EXTL3: variants seen among roughly 807,000 people sequenced by gnomAD.
The protein encoded by EXTL3 is exostosin like glycosyltransferase 3.
A neutral mutation model predicts 69.3 loss-of-function variants in EXTL3; 27 were observed. The ratio of observed to expected loss-of-function variants is 0.39; its 90% CI spans 0.29 to 0.54. The LOEUF is 0.54. Among genes scored for constraint, EXTL3 ranks in the 20% least tolerant of loss-of-function variants. EXTL3 has a pLI of 0.69. For synonymous variants in EXTL3, 511 were observed against 499.4 expected, an observed-to-expected ratio of 1.02 and a Z score of -0.31; for missense variants, 1,003 against 1,231.8, an observed-to-expected ratio of 0.81 and a Z score of 2.78.
intron 3 of EXTL3, among the ~76,000 whole-genome samples, chr8:28,728,095 TA>T (rs1801451454): frequency 1.3e-5 from 2 of 152,298 alleles, no homozygotes; most frequent in Non-Finnish European, 2.9e-5. Flanking sequence ...CTAGGTGTGT[TA>T]GGTAAAGTGA....
In EXTL3 at chr8:28,717,964, C is replaced by T. The variant is rs752466548; in HGVS notation, c.1905C>T (p.Gly635=). The change falls in exon 3 of 7, where the codon GGC becomes GGT. Residue 635 remains glycine (G), a synonymous_variant. Coordinates refer to ENST00000220562, the MANE Select transcript of EXTL3 (RefSeq NM_001440.4). This position sits in a 1 kb window ranked among gnomAD's most constrained non-coding sequence, Gnocchi z 8.3. ...SEAKFLGSGT[G]FRPIGGGAGG... is the part of the protein sequence containing the mutation. ...CCAAATTCTTGGGCTCAGGGACTGG[C>T]TTTCGGCCTATTGGTGGTGGAGCTG... 1.9e-5 allele frequency: 30 copies of T among 1,614,206 alleles called. No homozygotes were observed. The South Asian group carries it at 3.0e-4, about 16-fold the overall frequency.
chr8:28,634,531 T>C (rs2130569110), intron 1 of EXTL3, among the ~76,000 whole-genome samples: 1 of 151,366 alleles, frequency 6.6e-6, no homozygotes, highest in Middle Eastern at 3.4e-3. Context: ...TGCCACCTCC[T>C]CTTCCGGGAG....
chr8:28,717,392 T>G lies in EXTL3; in HGVS notation c.1333T>G (p.Ser445Ala). 6 of 1,614,162 alleles carry G rather than the reference T, an allele frequency of 3.7e-6. No individual in the cohort carries two copies. Among genetic ancestry groups the G allele is most frequent in the Non-Finnish European group, 1.7e-6 (2 of 1,180,032 alleles). ...TPGDPRLVISSGCATRLFEAL... is the reference protein window; with the variant it reads ...TPGDPRLVISAGCATRLFEAL... ...CGGGGACCCTCGCTTGGTTATTTCC[T>G]CTGGGTGTGCAACACGGCTCTTCGA... The change falls in exon 3 of 7, where the codon TCT becomes GCT. Residue 445 changes from serine (S) to alanine (A), a missense_variant. Ser to Ala is a moderately conservative substitution (Grantham distance 99). This residue lies in a region of EXTL3 where 742 missense variants were observed against 815.4 expected (regional missense o/e 0.91). Coordinates refer to ENST00000220562, the MANE Select transcript of EXTL3 (RefSeq NM_001440.4). This position sits in a 1 kb window ranked among gnomAD's most constrained non-coding sequence, Gnocchi z 8.3.
At chr8:28,712,125 T>G (rs1181539931) in intron 1 of EXTL3, among the ~76,000 whole-genome samples, 1 of 152,082 alleles carries the variant, frequency 6.6e-6, no homozygotes, top group Non-Finnish European at 1.5e-5. Flanking sequence ...CTTTAAATGG[T>G]AATGCCAGGA....
Position 28,743,276 on chromosome 8 carries a change from T to C in EXTL3, c.2550+62T>C, listed in dbSNP as rs1367649515. On this transcript the variant is annotated intron_variant, in intron 6 of 6. Transcript: ENST00000220562. ...CATGTTTACTTCACTTGTTTTGCAG[T>C]AGTGCAGCACGTAACTGCACTGTAC... is the stretch of plus-strand genomic sequence containing the variant. 5.7e-6 allele frequency: 9 copies of C among 1,592,274 alleles called. No individual in the cohort carries two copies. In the East Asian group the frequency reaches 6.7e-5, roughly 12 times the overall value.
intron 6 of EXTL3, 65 bp downstream of exon 6, chr8:28,743,279 T>C (rs1801817326): frequency 1.9e-6 from 3 of 1,579,074 alleles, no homozygotes; most frequent in African/African-American, 2.7e-5. Flanking sequence ...TTTGCAGTAG[T>C]GCAGCACGTA....
intron 1 of EXTL3, among the ~76,000 whole-genome samples, chr8:28,689,983 T>A (rs1452764148): frequency 6.6e-6 from 1 of 152,180 alleles, no homozygotes; most frequent in Admixed American, 6.5e-5. Flanking sequence ...ATCCGATCTC[T>A]CTTCCAACTC....
chr8:28,676,216 C>A (rs1807380235), intron 1 of EXTL3, among the ~76,000 whole-genome samples: 1 of 152,086 alleles, frequency 6.6e-6, no homozygotes. Flanking sequence ...GAGGCCTACT[C>A]ACCCACCCTG....
intron 1 of EXTL3, among the ~76,000 whole-genome samples, chr8:28,659,561 G>A (rs140745865): frequency 2.4e-4 from 36 of 152,194 alleles, no homozygotes; most frequent in East Asian, 1.2e-3. Flanking sequence ...GCCCTTGACC[G>A]GGGCCTACAG....
intron 1 of EXTL3, among the ~76,000 whole-genome samples, chr8:28,680,646 G>A (rs1341494587): frequency 6.6e-6 from 1 of 152,090 alleles, no homozygotes; most frequent in Non-Finnish European, 1.5e-5. Flanking sequence ...TAGTCACCAT[G>A]CTGTACAGCA....
At chr8:28,712,099 G>A (rs968071030) in intron 1 of EXTL3, among the ~76,000 whole-genome samples, 1 of 152,140 alleles carries the variant, frequency 6.6e-6, no homozygotes, top group Non-Finnish European at 1.5e-5. Flanking sequence ...AGAGCATCGG[G>A]GGGTAAGAAA....
At chr8:28,636,845 T>C (rs1228437832) in intron 1 of EXTL3, among the ~76,000 whole-genome samples, 1 of 152,160 alleles carries the variant, frequency 6.6e-6, no homozygotes, top group Non-Finnish European at 1.5e-5. Flanking sequence ...ACCCTGTCTC[T>C]ACTAAAAATA....
At chr8:28,748,644 C>G (rs1304148992) in intron 6 of EXTL3, among the ~76,000 whole-genome samples, 1 of 151,712 alleles carries the variant, frequency 6.6e-6, no homozygotes, top group African/African-American at 2.4e-5. Context: ...AGTGTAGAGC[C>G]TGTTAAGGGT....
chr8:28,727,649 CAG>C (rs1196880996), intron 3 of EXTL3, among the ~76,000 whole-genome samples: 2 of 152,166 alleles, frequency 1.3e-5, no homozygotes, highest in African/African-American at 4.8e-5. Context: ...GTTGATTTAG[CAG>C]AGAGGGTGCT....
intron 5 of EXTL3, chr8:28,740,734 T>C (rs1404784342): frequency 1.3e-5 from 2 of 152,194 alleles, no homozygotes; most frequent in Non-Finnish European, 2.9e-5. Context: ...GTACCTAATA[T>C]ATATGTATAT....
In EXTL3 at chr8:28,662,404, G is replaced by A. The variant is rs142068418; in HGVS notation, c.-53+39594G>A. On this transcript the variant is annotated intron_variant, in intron 1 of 6. Coordinates refer to the EXTL3 transcript ENST00000523149. ...TTTAATCATTTCTTCTGATGAAGTT[G>A]TCATCAGTAGTAGTAATACAAATTG... is the stretch of plus-strand genomic sequence containing the variant. Among the ~76,000 whole-genome samples the A allele has an allele frequency of 1.4e-4, 22 of 152,216 alleles. No homozygotes were observed. In the East Asian group the frequency reaches 4.2e-3, roughly 29 times the overall value.
At chr8:28,671,168 G>A (rs1269746713) in intron 1 of EXTL3, among the ~76,000 whole-genome samples, 1 of 151,944 alleles carries the variant, frequency 6.6e-6, no homozygotes, top group Non-Finnish European at 1.5e-5. Flanking sequence ...TTTTAGTAGA[G>A]ACGGAGTTTC....
upstream of EXTL3, among the ~76,000 whole-genome samples, chr8:28,620,105 C>T (rs879267382): frequency 8.0e-4 from 122 of 151,734 alleles, no homozygotes; most frequent in African/African-American, 2.8e-3. Context: ...GATCTCTTGA[C>T]CTAGTGATCT....
intron 1 of EXTL3, among the ~76,000 whole-genome samples, chr8:28,668,865 C>CTCTTATTTTTTTTTTTT (rs1193812924): frequency 7.4e-5 from 7 of 94,476 alleles, no homozygotes; most frequent in African/African-American, 3.2e-4. Flanking sequence ...GATAGAATCT[C>CTCTTATTTTTTTTTTTT]TTTTTTTTTT....
Sources: allele counts gnomAD v4.1 joint callset (sites outside exome capture counted in the v4.1 genomes callset), GRCh38; gene constraint gnomAD v4.1.1; regional missense constraint gnomAD v4.1.1; non-coding constraint Gnocchi (gnomAD v3.1); transcripts MANE v1.5; gene names NCBI Gene and HGNC (gene_info 2026-07-23, HGNC 2026-07-21).